The following C15orf39 variants were observed in gnomAD, a reference collection of about 807,000 sequenced individuals.
C15orf39 encodes the protein PRMT2 interacting protein.
A neutral mutation model predicts 53.9 loss-of-function variants in C15orf39; 24 were observed. The ratio of observed to expected loss-of-function variants is 0.45; its 90% CI spans 0.32 to 0.63. The LOEUF (loss-of-function observed/expected upper bound fraction) is 0.63, where lower values mean the gene tolerates loss of function less well. C15orf39 is among the 20% of genes least tolerant of loss of function. C15orf39 has a pLI of 0.04. For missense variants in C15orf39, 1,271 were observed against 1,347.9 expected, an observed-to-expected ratio of 0.94 and a Z score of 0.89; for synonymous variants, 569 against 576.5, an observed-to-expected ratio of 0.99 and a Z score of 0.19.
rs544855709 is a variant in C15orf39 at position 75,207,066 on chromosome 15, C to G, written c.1018C>G (p.Leu340Val). 9 of 1,610,596 alleles carry G rather than the reference C, an allele frequency of 5.6e-6. No individual in the cohort carries two copies. In the Admixed American group the frequency reaches 1.5e-4, roughly 27 times the overall value. ...AQAPYIPPLG[L>V]DAYPYPSAPL... ...GGCACCTTACATTCCCCCACTGGGG[C>G]TGGACGCTTACCCCTACCCCTCTGC... The change falls in exon 2 of 3, where the codon CTG (leucine) becomes GTG (valine). Residue 340 changes from leucine to valine, a missense_variant. Physicochemically the swap from Leu to Val is conservative, Grantham distance 32 (BLOSUM62 1). Transcript: ENST00000394987.
chr15:75,211,049 A>G lies in C15orf39; in HGVS notation c.3077A>G (p.Lys1026Arg), dbSNP rs1179075284. 2 of 1,606,540 alleles carry G rather than the reference A, an allele frequency of 1.2e-6. No homozygotes were observed. Among genetic ancestry groups the G allele is most frequent in the African/African-American group, 1.3e-5 (1 of 74,922 alleles). The change falls in exon 3 of 3, where the codon AAG (lysine) becomes AGG (arginine). Residue 1026 changes from lysine to arginine, a missense_variant. This residue lies in a region of C15orf39 where 277 missense variants were observed against 354.1 expected (regional missense o/e 0.78). Transcript: ENST00000394987. Reference protein sequence around the residue: ...NGLALPTWGHKSSRPDQPSPC... With the variant: ...NGLALPTWGHRSSRPDQPSPC... ...CTGGCTCTGCCCACCTGGGGCCACA[A>G]GTCCTCAAGACCAGACCAGCCCTCA...
At chr15:75,209,857 G>A (rs2070471099) in intron 2 of C15orf39, among the ~76,000 whole-genome samples, 2 of 152,212 alleles carry the variant, frequency 1.3e-5, no homozygotes, top group Non-Finnish European at 2.9e-5. Flanking sequence ...GCAGTGAGGT[G>A]CAGATGAGCT....
Position 75,206,636 on chromosome 15 carries a change from T to C in C15orf39, c.588T>C (p.Ala196=). ...GCACCTTCTTGCGGGGGGTGCCAGC[T>C]GAGGGGTCCAGTAAAGACTCCTCAG... ...LDGTFLRGVP[A]EGSSKDSSGS... The change falls in exon 2 of 3, where the codon GCT becomes GCC. Residue 196 remains alanine, a synonymous_variant. Transcript: ENST00000394987. 6.2e-7 allele frequency: 1 copy of C among 1,613,730 alleles called. No individual in the cohort carries two copies. Among genetic ancestry groups the C allele is most frequent in the East Asian group, 2.2e-5 (1 of 44,888 alleles).
Position 75,210,971 on chromosome 15 carries a change from CCA to C in C15orf39, c.3003_3004del (p.Leu1002GlufsTer104). ...GCTACCAGTGCCAGCCCACCTGGCC[CCA>C]CACTGAAGGCCCGCTTCCGCAGTCT... On this transcript the variant is annotated frameshift_variant, in exon 3 of 3. Transcript: ENST00000394987. LOFTEE classifies it high-confidence loss of function. 6.2e-7 allele frequency: 1 copy of C among 1,613,354 alleles called. No individual in the cohort carries two copies. The highest frequency in any genetic ancestry group is 8.5e-7 in the Non-Finnish European group (1 of 1,180,018).
rs1038038108 is a variant in C15orf39, at chr15:75,208,611, C to A, written c.2563C>A (p.Pro855Thr). 1.3e-6 allele frequency: 2 copies of A among 1,586,504 alleles called. No homozygotes were observed. The highest frequency in any genetic ancestry group is 1.7e-6 in the Non-Finnish European group (2 of 1,167,336). The part of the protein sequence containing the change: ...PIHLVKERLF[P>T]RLPPASVDHV... Reference sequence around the variant, plus strand: ...TCACCTGGTGAAGGAGCGGCTCTTCCCTCGGCTGCCACCCGCTTCTGTGGA... The same window carrying A: ...TCACCTGGTGAAGGAGCGGCTCTTCACTCGGCTGCCACCCGCTTCTGTGGA... Residue 855 changes from proline to threonine, a missense_variant, in exon 2 of 3, where the codon CCT becomes ACT. Physicochemically the swap from Pro to Thr is conservative, Grantham distance 38. This residue lies in a region of C15orf39 where 277 missense variants were observed against 354.1 expected (regional missense o/e 0.78). Transcript: ENST00000394987.
At position 75,208,628 on chromosome 15, in the gene C15orf39, T is replaced by C. The variant is rs561976593; in HGVS notation, c.2580T>C (p.Ala860=). ...GGCTCTTCCCTCGGCTGCCACCCGCTTCTGTGGACCATGTGCTGCAGGAGC... is the reference window on the plus strand; with the variant it reads ...GGCTCTTCCCTCGGCTGCCACCCGCCTCTGTGGACCATGTGCTGCAGGAGC... The part of the protein sequence containing the change: ...KERLFPRLPP[A]SVDHVLQEHR... Residue 860 remains alanine, a synonymous_variant, in exon 2 of 3, where the codon GCT becomes GCC. Transcript: ENST00000394987. 5.1e-5 allele frequency: 82 copies of C among 1,598,330 alleles called. 1 individual carries two copies. Among genetic ancestry groups the C allele is most frequent in the Non-Finnish European group, 4.0e-5 (47 of 1,173,676 alleles).
intron 1 of C15orf39, among the ~76,000 whole-genome samples, chr15:75,204,431 A>G (rs1158220636): frequency 2.6e-5 from 4 of 152,110 alleles, no homozygotes; most frequent in African/African-American, 4.8e-5. Flanking sequence ...GTGGCTAAGT[A>G]GCACTCTGGC....
rs760892782 is a variant in C15orf39, at chr15:75,208,766, G to A, written c.2718G>A (p.Pro906=). 1.3e-5 allele frequency: 21 copies of A among 1,607,782 alleles called. No individual in the cohort carries two copies. The highest frequency in any genetic ancestry group is 1.1e-4 in the African/African-American group (8 of 74,912). Residue 906 remains proline (P), a synonymous_variant, in exon 2 of 3, where the codon CCG becomes CCA. Coordinates refer to ENST00000394987, the MANE Select transcript of C15orf39 (RefSeq NM_015492.5). ...MLKLLALRQL[P]DIYPDLLGLQ... is the part of the protein sequence containing the mutation. ...AGTTACTGGCGCTGCGCCAGCTGCC[G>A]GACATTTACCCCGACCTTCTCGGCC...
chr15:75,205,441 G>A (rs1036222895), intron 1 of C15orf39, among the ~76,000 whole-genome samples: 1 of 152,150 alleles, frequency 6.6e-6, no homozygotes, highest in Non-Finnish European at 1.5e-5. Flanking sequence ...GAGGAAAATC[G>A]AACAGAAGGG....
chr15:75,207,808 C>A lies in C15orf39; in HGVS notation c.1760C>A (p.Pro587His), dbSNP rs139044762. Residue 587 changes from proline (P) to histidine (H), a missense_variant, in exon 2 of 3, where the codon CCT (proline) becomes CAT (histidine). Transcript: ENST00000394987. ...SVRKPTAEAS[P>H]VKASRSVEHA... ...AGGAAGCCCACAGCAGAGGCCTCCCCTGTCAAGGCTTCCCGTTCTGTGGAG... is the reference window on the plus strand; with the variant it reads ...AGGAAGCCCACAGCAGAGGCCTCCCATGTCAAGGCTTCCCGTTCTGTGGAG... 1 of 1,612,246 alleles carries A rather than the reference C, an allele frequency of 6.2e-7. No individual in the cohort carries two copies. Among genetic ancestry groups the A allele is most frequent in the Non-Finnish European group, 8.5e-7 (1 of 1,179,438 alleles).
At chr15:75,204,004 C>T (rs184653962) in intron 1 of C15orf39, among the ~76,000 whole-genome samples, 3 of 152,290 alleles carry the variant, frequency 2.0e-5, no homozygotes, top group Non-Finnish European at 4.4e-5. Context: ...AGCTTGCTTT[C>T]TGGGTCTGCC....
Position 75,206,106 on chromosome 15 carries a change from C to T in C15orf39, c.58C>T (p.Arg20Cys), listed in dbSNP as rs143806224. The T allele has an allele frequency of 3.2e-3, 5,160 of 1,613,462 alleles. 13 individuals carry two copies. The highest frequency in any genetic ancestry group is 3.7e-3 in the Non-Finnish European group (4,315 of 1,179,766). Residue 20 changes from arginine (R) to cysteine (C), a missense_variant, in exon 2 of 3, where the codon CGC becomes TGC. Physicochemically the swap from Arg to Cys is radical, Grantham distance 180 (BLOSUM62 -3). Around this residue, in one of 2 missense-constraint regions of C15orf39, gnomAD observed 994 missense variants for 993.7 expected, o/e 1.00. Transcript: ENST00000394987. ...GCCTGTGATGTATGGCAAGCTGCCCCGCTTAGAGACAGACTCCGGGCTCGA... is the reference window on the plus strand; with the variant it reads ...GCCTGTGATGTATGGCAAGCTGCCCTGCTTAGAGACAGACTCCGGGCTCGA... ...LGPVMYGKLP[R>C]LETDSGLEHS...
chr15:75,205,893 G>A (rs959240291), intron 1 of C15orf39, 106 bp from the exon 2 acceptor site: 12 of 730,164 alleles, frequency 1.6e-5, no homozygotes, highest in African/African-American at 8.9e-5. Context: ...TCATTTAAGC[G>A]CCAGGTTCTT....
intron 2 of C15orf39, chr15:75,209,733 C>G (rs555640141): frequency 6.6e-6 from 1 of 152,366 alleles, no homozygotes; most frequent in South Asian, 2.1e-4. Context: ...CAATTCCACC[C>G]TCTCCCATTT....
intron 1 of C15orf39, among the ~76,000 whole-genome samples, chr15:75,204,246 TG>T (rs1398725233): frequency 6.6e-6 from 1 of 152,166 alleles, no homozygotes; most frequent in Non-Finnish European, 1.5e-5. Context: ...GGGTGCTGGC[TG>T]GGGGAGGTAG....
chr15:75,208,475 G>C lies in C15orf39; in HGVS notation c.2427G>C (p.Gln809His). The change falls in exon 2 of 3, where the codon CAG (glutamine) becomes CAC (histidine). Residue 809 changes from glutamine to histidine, a missense_variant. Around this residue, in one of 2 missense-constraint regions of C15orf39, gnomAD observed 277 missense variants for 354.1 expected, o/e 0.78. Transcript: ENST00000394987. ...PWGQAAWQDC[Q>H]GVQGLLAKLL... ...GCCAGGCTGCGTGGCAGGACTGCCA[G>C]GGTGTGCAGGGGCTGCTGGCCAAGC... is the stretch of plus-strand genomic sequence containing the variant. The C allele has an allele frequency of 6.3e-7, 1 of 1,598,654 alleles. No homozygotes were observed. The highest frequency in any genetic ancestry group is 1.3e-5 in the African/African-American group (1 of 74,934).
At chr15:75,199,048 C>CTGG (rs1207234203), upstream of C15orf39, 1 of 152,286 alleles carries the variant, frequency 6.6e-6, no homozygotes, top group Non-Finnish European at 1.5e-5. Flanking sequence ...AACATCACCA[C>CTGG]TGGTTGAAAC....
chr15:75,210,689 G>A, intron 2 of C15orf39, 60 bp from the exon 3 acceptor site: 1 of 1,530,826 alleles, frequency 6.5e-7, no homozygotes, highest in Admixed American at 2.0e-5. Context: ...GGCTTTGGAA[G>A]CCAGGAGGTG....
chr15:75,208,275 C>T lies in C15orf39; in HGVS notation c.2227C>T (p.Pro743Ser), dbSNP rs2070456556. Residue 743 changes from proline to serine, a missense_variant, in exon 2 of 3, where the codon CCA becomes TCA. By Grantham distance (74) the Pro-to-Ser change is moderately conservative. Coordinates refer to ENST00000394987, the MANE Select transcript of C15orf39 (RefSeq NM_015492.5). ...TCCAGCTTCAGCCCGGGATCCAGCT[C>T]CAGCTCCAGCTCCAGTTGCAGGCCC... ...QAPASARDPA[P>S]APAPVAGPAP... 1 of 1,583,952 alleles carries T rather than the reference C, an allele frequency of 6.3e-7. No homozygotes were observed. Among genetic ancestry groups the T allele is most frequent in the Non-Finnish European group, 8.6e-7 (1 of 1,164,950 alleles).
Sources: allele counts gnomAD v4.1 joint callset (sites outside exome capture counted in the v4.1 genomes callset), GRCh38; gene constraint gnomAD v4.1.1; regional missense constraint gnomAD v4.1.1; transcripts MANE v1.5; gene names NCBI Gene and HGNC (gene_info 2026-07-23, HGNC 2026-07-21).